Variants in GRM7 observed in about 807,000 individuals in gnomAD.
The protein encoded by GRM7 is metabotropic glutamate receptor 7.
Under a neutral mutation model 84.5 loss-of-function variants are expected in GRM7, and 35 were observed. The observed-to-expected ratio is 0.41, with a 90% CI of 0.32 to 0.55. The LOEUF (loss-of-function observed/expected upper bound fraction) is 0.55. Among genes scored for constraint, GRM7 ranks in the 20% least tolerant of loss-of-function variants. GRM7 has a pLI of 0.19. For synonymous variants in GRM7, 487 were observed against 455.1 expected (o/e 1.07, Z -0.89); for missense variants, 1,003 against 1,194.6 (o/e 0.84, Z 2.36).
At chr3:7,187,021 C>T (rs1053387976) in intron 2 of GRM7, among the ~76,000 whole-genome samples, 1 of 152,008 alleles carries the variant, frequency 6.6e-6, no homozygotes, top group African/African-American at 2.4e-5. Flanking sequence ...GCAGAGGACT[C>T]CAGAGGTTGC....
chr3:7,176,229 T>TAAAAAAAAAAAAAAAA (rs55732650), intron 2 of GRM7, among the ~76,000 whole-genome samples: 5 of 63,142 alleles, frequency 7.9e-5, no homozygotes, highest in African/African-American at 3.2e-4. Context: ...CTATAAAAAG[T>TAAAAAAAAAAAAAAAA]AAAAAAAAAA....
chr3:7,407,311 G>A (rs1321896397), intron 4 of GRM7, among the ~76,000 whole-genome samples: 2 of 152,144 alleles, frequency 1.3e-5, no homozygotes, highest in Non-Finnish European at 2.9e-5. Context: ...TCATCCTCTA[G>A]AGGGATGGTC....
intron 1 of GRM7, among the ~76,000 whole-genome samples, chr3:6,931,729 C>A (rs370427892): frequency 1.3e-5 from 2 of 152,152 alleles, no homozygotes; most frequent in African/African-American, 4.8e-5. Context: ...GTATTTATTA[C>A]CCCCTGCACC....
chr3:7,462,100 A>G (rs1179672189), intron 7 of GRM7, among the ~76,000 whole-genome samples: 6 of 151,798 alleles, frequency 4.0e-5, no homozygotes, highest in Admixed American at 3.9e-4. Context: ...TGATATTTTT[A>G]TTATTATTTT....
chr3:6,889,801 G>A (rs1011366913), intron 1 of GRM7, among the ~76,000 whole-genome samples: 1 of 152,096 alleles, frequency 6.6e-6, no homozygotes, highest in Non-Finnish European at 1.5e-5. Context: ...AGTTTCAGAA[G>A]GAATGGTACC....
At chr3:7,369,156 G>T (rs1380981364) in intron 4 of GRM7, among the ~76,000 whole-genome samples, 1 of 152,114 alleles carries the variant, frequency 6.6e-6, no homozygotes, top group Admixed American at 6.6e-5. Flanking sequence ...CTGGGCTCAA[G>T]TGATCCTCCT....
At chr3:7,277,658 C>T (rs941895559) in intron 2 of GRM7, among the ~76,000 whole-genome samples, 2 of 152,036 alleles carry the variant, frequency 1.3e-5, no homozygotes, top group Admixed American at 1.3e-4. Flanking sequence ...TGTTCATTCT[C>T]ATGGAGCTAC....
intron 1 of GRM7, among the ~76,000 whole-genome samples, chr3:6,876,331 C>G (rs1034121746): frequency 4.6e-5 from 7 of 151,484 alleles, no homozygotes; most frequent in Non-Finnish European, 1.0e-4. Context: ...GGGCCTTGGG[C>G]TTTCCTGTTT....
At chr3:7,341,708 A>G (rs1324286519) in intron 4 of GRM7, among the ~76,000 whole-genome samples, 4 of 152,154 alleles carry the variant, frequency 2.6e-5, no homozygotes, top group African/African-American at 9.6e-5. Flanking sequence ...TGTCCCAGTA[A>G]TGAACTATTA....
At chr3:7,314,306 A>G (rs1385809266) in intron 4 of GRM7, among the ~76,000 whole-genome samples, 2 of 151,402 alleles carry the variant, frequency 1.3e-5, no homozygotes, top group African/African-American at 4.8e-5. Flanking sequence ...GTAATATTCC[A>G]TCCCCCGTCT....
chr3:6,920,576 A>C (rs965893706), intron 1 of GRM7, among the ~76,000 whole-genome samples: 1 of 151,628 alleles, frequency 6.6e-6, no homozygotes, highest in Non-Finnish European at 1.5e-5. Context: ...AAAAATGATG[A>C]TTGATGACTT....
chr3:7,394,273 T>C (rs1292206127), intron 4 of GRM7, among the ~76,000 whole-genome samples: 1 of 152,152 alleles, frequency 6.6e-6, no homozygotes, highest in African/African-American at 2.4e-5. Flanking sequence ...TACTCAGATA[T>C]CTCCAAATGG....
chr3:7,375,910 C>T (rs1559277679), intron 4 of GRM7, among the ~76,000 whole-genome samples: 1 of 152,100 alleles, frequency 6.6e-6, no homozygotes, highest in Non-Finnish European at 1.5e-5. Context: ...GGCTTTTCTT[C>T]TTCCTTATAT....
intron 7 of GRM7, among the ~76,000 whole-genome samples, chr3:7,532,786 A>G (rs1314616119): frequency 3.2e-5 from 4 of 124,828 alleles, no homozygotes; most frequent in African/African-American, 8.9e-5. Flanking sequence ...AGGAATATTT[A>G]CCAAGCAAAG....
chr3:7,213,513 A>G (rs1226057949), intron 2 of GRM7, among the ~76,000 whole-genome samples: 3 of 152,222 alleles, frequency 2.0e-5, no homozygotes, highest in African/African-American at 7.2e-5. Context: ...ATAGGCATTC[A>G]TATACGATGT....
chr3:7,315,144 T>G (rs1445430486), intron 4 of GRM7, among the ~76,000 whole-genome samples: 1 of 152,002 alleles, frequency 6.6e-6, no homozygotes, highest in Non-Finnish European at 1.5e-5. Context: ...ACACTCCCAG[T>G]CTTTGCTGAT....
At chr3:7,602,504 A>T (rs576659024) in intron 8 of GRM7, among the ~76,000 whole-genome samples, 1 of 152,248 alleles carries the variant, frequency 6.6e-6, no homozygotes, top group East Asian at 1.9e-4. Context: ...GCCTACCACC[A>T]AAAGGAGAGA....
At chr3:7,083,229 A>G (rs1333407813) in intron 1 of GRM7, among the ~76,000 whole-genome samples, 1 of 152,106 alleles carries the variant, frequency 6.6e-6, no homozygotes, top group Non-Finnish European at 1.5e-5. Flanking sequence ...CACCACCCTG[A>G]TTAGTCAGCA....
chr3:7,337,256 C>T (rs1320602006), intron 4 of GRM7, among the ~76,000 whole-genome samples: 1 of 152,004 alleles, frequency 6.6e-6, no homozygotes, highest in African/African-American at 2.4e-5. Context: ...TCACCTTATA[C>T]AAAAATCAAG....
Sources: gnomAD v4.1 joint callset for allele counts (sites outside exome capture counted in the v4.1 genomes callset) on GRCh38, gnomAD v4.1.1 for gene constraint, MANE v1.5 for transcripts, NCBI Gene and HGNC (gene_info 2026-07-23, HGNC 2026-07-21) for gene names.